Variants in RBM26 observed in about 807,000 individuals in gnomAD.
RBM26 encodes the protein RNA binding motif protein 26.
In RBM26, 30 loss-of-function variants were observed where a neutral mutation model predicts 123.6. The observed-to-expected ratio is 0.24, with a 90% CI of 0.18 to 0.33. The LOEUF (loss-of-function observed/expected upper bound fraction) is 0.33, where lower values mean the gene tolerates loss of function less well. RBM26 is among the 10% of genes least tolerant of loss of function. The pLI is 1.00. For missense variants in RBM26, 947 were observed against 1,203.6 expected (o/e 0.79, Z 3.15); for synonymous variants, 400 against 404.4 (o/e 0.99, Z 0.13).
intron 14 of RBM26, among the ~76,000 whole-genome samples, chr13:79,352,226 G>A (rs1452244059): frequency 6.6e-6 from 1 of 152,098 alleles, no homozygotes; most frequent in Non-Finnish European, 1.5e-5. Context: ...TCTCACTGAT[G>A]CATTATCTCT....
chr13:79,358,907 T>C (rs563450459), intron 10 of RBM26, among the ~76,000 whole-genome samples: 1 of 152,330 alleles, frequency 6.6e-6, no homozygotes, highest in South Asian at 2.1e-4. Flanking sequence ...GTTGGAACTA[T>C]AAAGAATACA....
intron 14 of RBM26, among the ~76,000 whole-genome samples, chr13:79,347,045 T>C (rs911739830): frequency 6.6e-6 from 1 of 152,232 alleles, no homozygotes; most frequent in Non-Finnish European, 1.5e-5. Flanking sequence ...TTTAACCAAG[T>C]ATTTCTCCAG....
intron 6 of RBM26, among the ~76,000 whole-genome samples, chr13:79,367,975 T>A (rs2075490755): frequency 6.6e-6 from 1 of 152,100 alleles, no homozygotes; most frequent in Admixed American, 6.5e-5. Context: ...TTAATACTAC[T>A]TATAAATCTT....
At chr13:79,377,258 A>G (rs536472923) in intron 3 of RBM26, 121 bp downstream of exon 3, 8 of 748,178 alleles carry the variant, frequency 1.1e-5, no homozygotes, top group South Asian at 7.8e-5. Flanking sequence ...TCCTAGAAAA[A>G]TCATTTAAAC....
rs138726604 is a variant in RBM26 at position 79,367,350 on chromosome 13, T to C, written c.896-478A>G. 3.0e-3 allele frequency among the ~76,000 whole-genome samples: 413 copies of C among 137,102 alleles called. 4 individuals carry two copies. The highest frequency in any genetic ancestry group is 0.011 in the African/African-American group (396 of 36,432). The allele number at this position is 137,102 out of a possible 152,430, so 89.9% of individuals were successfully genotyped here. A position where few individuals can be genotyped will look rare whatever the true frequency, so the allele number is the denominator to read the frequency against. ...AGAACCCGGGAGGCAGTGGTTGCAC[T>C]GAGCAGAGACTGTGTCATTGCACTC... On this transcript the variant is annotated intron_variant, in intron 6 of 21. Transcript: ENST00000438737.
At chr13:79,378,004 T>TGAG (rs1215539977) in intron 2 of RBM26, among the ~76,000 whole-genome samples, 1 of 152,154 alleles carries the variant, frequency 6.6e-6, no homozygotes, top group Non-Finnish European at 1.5e-5. Flanking sequence ...GCACAAGTCC[T>TGAG]GAGGCAATAC....
intron 1 of RBM26, among the ~76,000 whole-genome samples, chr13:79,384,556 C>T (rs1594612794): frequency 6.6e-6 from 1 of 152,126 alleles, no homozygotes; most frequent in African/African-American, 2.4e-5. Flanking sequence ...TAGTGCCCAG[C>T]TGGCATCTTT....
At chr13:79,333,503 T>A (rs950527301) in intron 20 of RBM26, among the ~76,000 whole-genome samples, 2 of 152,232 alleles carry the variant, frequency 1.3e-5, no homozygotes, top group African/African-American at 2.4e-5. Flanking sequence ...TTTTCAAAAC[T>A]TATTTAAGTT....
At chr13:79,362,083 G>C (rs1281709894) in intron 9 of RBM26, among the ~76,000 whole-genome samples, 1 of 152,126 alleles carries the variant, frequency 6.6e-6, no homozygotes, top group Non-Finnish European at 1.5e-5. Flanking sequence ...CTAGTCAACT[G>C]TCTCTCATGG....
Position 79,358,446 on chromosome 13 carries a change from T to C in RBM26, c.1530-13A>G, listed in dbSNP as rs769646043. On this transcript the variant is annotated splice_polypyrimidine_tract_variant and intron_variant, in intron 10 of 21. Coordinates refer to ENST00000438737, the MANE Select transcript of RBM26 (RefSeq NM_001366735.2). ...ATTAAAATTTGGTCTGCAAACAAAATTCAAGTTAGTCAATACATTTATAAA... is the reference window on the plus strand; with the variant it reads ...ATTAAAATTTGGTCTGCAAACAAAACTCAAGTTAGTCAATACATTTATAAA... 3 of 1,601,514 alleles carry C rather than the reference T, an allele frequency of 1.9e-6. No homozygotes were observed.
Position 79,320,103 on chromosome 13 carries a change from A to AT in RBM26, c.*517_*518insA. 2 of 974,858 alleles carry AT rather than the reference A, an allele frequency of 2.1e-6. No individual in the cohort carries two copies. Among genetic ancestry groups the AT allele is most frequent in the Non-Finnish European group, 2.4e-6 (2 of 820,536 alleles). The allele number at this position is 974,858 out of a possible 1,614,324, so 60.4% of individuals were successfully genotyped here. On this transcript the variant is annotated 3_prime_UTR_variant, in exon 22 of 22. Coordinates refer to ENST00000438737, the MANE Select transcript of RBM26 (RefSeq NM_001366735.2). Reference sequence around the variant, plus strand: ...ATCATTAAAACCCATATGGTAAAATACATACACAGTCCAACAAAAGGCTAA... The same window carrying AT: ...ATCATTAAAACCCATATGGTAAAATATCATACACAGTCCAACAAAAGGCTAA...
chr13:79,319,865 T>A lies in RBM26; in HGVS notation c.*756A>T, dbSNP rs772561019. On this transcript the variant is annotated 3_prime_UTR_variant, in exon 22 of 22. Coordinates refer to ENST00000438737, the MANE Select transcript of RBM26 (RefSeq NM_001366735.2). ...TGTGATAATTGGGGGGAAGGGTAGA[T>A]CACCATCTGGAATGGTCTATTTTAA... 1.0e-6 allele frequency: 1 copy of A among 978,880 alleles called. No homozygotes were observed. Among genetic ancestry groups the A allele is most frequent in the Non-Finnish European group, 1.2e-6 (1 of 825,086 alleles). 60.6% of individuals were successfully genotyped at this position (978,880 alleles called of 1,614,324 possible). A position where few individuals can be genotyped will look rare whatever the true frequency, so the allele number is the denominator to read the frequency against.
exon 5 of RBM26, chr13:79,312,112 A>G (rs534866790): frequency 2.6e-4 from 40 of 152,188 alleles, no homozygotes; most frequent in Admixed American, 5.9e-4. Flanking sequence ...TTTTTTCCCC[A>G]TGCCAACACA....
Position 79,318,907 on chromosome 13 carries a change from TA to T in RBM26, c.*1713del. On this transcript the variant is annotated 3_prime_UTR_variant, in exon 22 of 22. Transcript: ENST00000438737. Reference sequence around the variant, plus strand: ...AAAAAGAAAAGAAAACAAACTTACCTAATGAATCAGAATAGCACATAGTCAA... The same window carrying T: ...AAAAAGAAAAGAAAACAAACTTACCTATGAATCAGAATAGCACATAGTCAA... 1 of 979,522 alleles carries T rather than the reference TA, an allele frequency of 1.0e-6. No individual in the cohort carries two copies. The highest frequency in any genetic ancestry group is 1.2e-6 in the Non-Finnish European group (1 of 824,766). 60.7% of individuals were successfully genotyped at this position (979,522 alleles called of 1,614,324 possible). A position where few individuals can be genotyped will look rare whatever the true frequency, so the allele number is the denominator to read the frequency against.
Position 79,319,995 on chromosome 13 carries a change from CTTT to C in RBM26, c.*623_*625del, listed in dbSNP as rs1245125526. 9.8e-6 allele frequency: 4 copies of C among 406,400 alleles called. No individual in the cohort carries two copies. The highest frequency in any genetic ancestry group is 1.1e-5 in the Non-Finnish European group (4 of 363,996). 25.2% of individuals were successfully genotyped at this position (406,400 alleles called of 1,614,324 possible). ...TGTCATTGCTTTTCTCTTTTCTTTC[CTTT>C]TTTTTTTTTAAAGAGACCATTCCAC... On this transcript the variant is annotated 3_prime_UTR_variant, in exon 22 of 22. Transcript: ENST00000438737.
intron 19 of RBM26, among the ~76,000 whole-genome samples, chr13:79,335,172 T>C (rs547749797): frequency 5.9e-5 from 9 of 152,188 alleles, no homozygotes; most frequent in Non-Finnish European, 1.3e-4. Flanking sequence ...TGTAATCTCA[T>C]TAGCTCCACA....
At position 79,371,872 on chromosome 13, in the gene RBM26, G is replaced by A. The variant is rs2075916792; in HGVS notation, c.386C>T (p.Pro129Leu). The change falls in exon 4 of 22, where the codon CCC becomes CTC. Residue 129 changes from proline to leucine, a missense_variant. This residue lies in a region of RBM26 where 275 missense variants were observed against 361.0 expected (regional missense o/e 0.76). Coordinates refer to ENST00000438737, the MANE Select transcript of RBM26 (RefSeq NM_001366735.2). The part of the protein sequence containing the change: ...KFSRRLNHSP[P>L]QSSSRYRENR... Reference sequence around the variant, plus strand: ...TTCCCTGTATCGGGAGCTTGACTGGGGAGGACTGTGATTTAGCCTTCTAGA... The same window carrying A: ...TTCCCTGTATCGGGAGCTTGACTGGAGAGGACTGTGATTTAGCCTTCTAGA... 6.2e-7 allele frequency: 1 copy of A among 1,612,446 alleles called. No individual in the cohort carries two copies. Among genetic ancestry groups the A allele is most frequent in the Non-Finnish European group, 8.5e-7 (1 of 1,178,736 alleles).
intron 1 of RBM26, among the ~76,000 whole-genome samples, chr13:79,396,838 C>T (rs73566422): frequency 1.3e-5 from 2 of 152,048 alleles, no homozygotes; most frequent in South Asian, 2.1e-4. Context: ...ATGTAATACA[C>T]CATATTAACA....
At chr13:79,334,877 G>A (rs9530895) in intron 19 of RBM26, among the ~76,000 whole-genome samples, 76,538 of 151,738 alleles carry the variant, frequency 0.5, 19,678 homozygotes, top group Middle Eastern at 0.6. Flanking sequence ...CTTCCCCAAA[G>A]TTAATTGTTA....
Sources: gnomAD v4.1 joint callset for allele counts (sites outside exome capture counted in the v4.1 genomes callset) on GRCh38, gnomAD v4.1.1 for gene constraint, gnomAD v4.1.1 regional missense constraint, MANE v1.5 for transcripts, NCBI Gene and HGNC (gene_info 2026-07-23, HGNC 2026-07-21) for gene names.